The following AFF4 variants were observed in gnomAD, a reference collection of about 807,000 sequenced individuals.
The protein encoded by AFF4 is ALF transcription elongation factor 4, also known as AF4/FMR2 family member 4.
AFF4 carries 13 observed loss-of-function variants against 124.8 expected under a neutral mutation model. That is an observed-to-expected ratio of 0.10 (90% CI 0.07 to 0.17). The LOEUF (loss-of-function observed/expected upper bound fraction) is 0.17. Among genes scored for constraint, AFF4 ranks in the 10% least tolerant of loss-of-function variants. AFF4 has a pLI of 1.00. For missense variants in AFF4, 1,092 were observed against 1,403.8 expected, an observed-to-expected ratio of 0.78 and a Z score of 3.55; for synonymous variants, 477 against 496.1, an observed-to-expected ratio of 0.96 and a Z score of 0.51.
At chr5:132,953,829 C>T (rs765282370) in intron 1 of AFF4, among the ~76,000 whole-genome samples, 3 of 152,154 alleles carry the variant, frequency 2.0e-5, no homozygotes, top group Non-Finnish European at 4.4e-5. Flanking sequence ...AACGCTACAG[C>T]CTTTCTAATT....
intron 2 of AFF4, among the ~76,000 whole-genome samples, chr5:132,936,336 G>A (rs1178769662): frequency 1.3e-5 from 2 of 148,932 alleles, no homozygotes; most frequent in African/African-American, 4.9e-5. Context: ...TTCGTATTTT[G>A]GCAGTTTATG....
intron 1 of AFF4, among the ~76,000 whole-genome samples, chr5:132,942,028 G>C (rs1277770941): frequency 6.6e-6 from 1 of 150,854 alleles, no homozygotes; most frequent in African/African-American, 2.4e-5. Flanking sequence ...AAAAAAGTAA[G>C]CAATCAATTC....
Position 132,920,686 on chromosome 5 carries a change from A to T in AFF4, c.1050+6435T>A, listed in dbSNP as rs559661366. 2.0e-3 allele frequency among the ~76,000 whole-genome samples: 304 copies of T among 152,242 alleles called. 1 individual carries two copies. Among genetic ancestry groups the T allele is most frequent in the African/African-American group, 7.0e-3 (291 of 41,538 alleles). On this transcript the variant is annotated intron_variant, in intron 5 of 20. Transcript: ENST00000265343. Reference sequence around the variant, plus strand: ...AGATTTCATAGACACCAAAATCATGACCCGTAAAAGAAAACACTGAAGAAG... The same window carrying T: ...AGATTTCATAGACACCAAAATCATGTCCCGTAAAAGAAAACACTGAAGAAG...
In AFF4 at chr5:132,927,173, G is replaced by A; in HGVS notation, c.998C>T (p.Ala333Val). Residue 333 changes from alanine to valine, a missense_variant, in exon 5 of 21, where the codon GCT becomes GTT. Ala to Val is a moderately conservative substitution (Grantham distance 64). Transcript: ENST00000265343. ...MTHSWPPPLT[A>V]IHTPCKTEPS... ...TTCTGTTTTGCATGGTGTATGAATA[G>A]CCGTTAGAGGGGGAGGCCATGAATG... The A allele has an allele frequency of 1.2e-6, 2 of 1,611,366 alleles. No individual in the cohort carries two copies.
At chr5:132,915,037 T>TAA (rs915281872) in intron 5 of AFF4, among the ~76,000 whole-genome samples, 1 of 150,794 alleles carries the variant, frequency 6.6e-6, no homozygotes. Context: ...AACAAACACT[T>TAA]AAAAAAAAAT....
At chr5:132,959,901 A>C (rs1762045317) in intron 1 of AFF4, among the ~76,000 whole-genome samples, 1 of 150,908 alleles carries the variant, frequency 6.6e-6, no homozygotes, top group South Asian at 2.1e-4. Flanking sequence ...AGTAGCTGGG[A>C]CTACAGGCGC....
rs1202067942 is a variant in AFF4 at position 132,879,616 on chromosome 5, C to A, written c.*1443G>T. ...TTCATTTGTAAACAATCCATAGAGT[C>A]TTCATTTAAAGGTAAGATTTAAGGC... is the stretch of plus-strand genomic sequence containing the variant. On this transcript the variant is annotated 3_prime_UTR_variant, in exon 21 of 21. Transcript: ENST00000265343. 1 of 208,402 alleles carries A rather than the reference C, an allele frequency of 4.8e-6. No individual in the cohort carries two copies. Among genetic ancestry groups the A allele is most frequent in the Non-Finnish European group, 9.8e-6 (1 of 102,206 alleles). The allele number at this position is 208,402 out of a possible 1,614,324, so 12.9% of individuals were successfully genotyped here. A position where few individuals can be genotyped will look rare whatever the true frequency, so the allele number is the denominator to read the frequency against.
Position 132,932,067 on chromosome 5 carries a change from A to G in AFF4, c.963+111T>C, listed in dbSNP as rs1289558586. On this transcript the variant is annotated intron_variant, in intron 4 of 20. Transcript: ENST00000265343. ...ATGGACATAATCAAGTTACAAATATAAGCAATCTGTTGCTTCAGATCCTTT... is the reference window on the plus strand; with the variant it reads ...ATGGACATAATCAAGTTACAAATATGAGCAATCTGTTGCTTCAGATCCTTT... The G allele has an allele frequency of 4.8e-6, 3 of 629,394 alleles. No individual in the cohort carries two copies. The African/African-American group carries it at 5.7e-5, about 12-fold the overall frequency. The allele number at this position is 629,394 out of a possible 1,614,324, so 39.0% of individuals were successfully genotyped here.
Position 132,963,378 on chromosome 5 carries a change from A to C in AFF4, c.-124T>G. 1 of 397,688 alleles carries C rather than the reference A, an allele frequency of 2.5e-6. No homozygotes were observed. Among genetic ancestry groups the C allele is most frequent in the Non-Finnish European group, 4.4e-6 (1 of 225,362 alleles). 24.6% of individuals were successfully genotyped at this position (397,688 alleles called of 1,614,324 possible). ...CCCAGGGGGCGGTGACAGGCTGCCA[A>C]GGGCGAGGGGCTCCGGGAGGCGGCG... On this transcript the variant is annotated 5_prime_UTR_variant, in exon 1 of 21. Transcript: ENST00000265343.
rs753189803 is a variant in AFF4, at chr5:132,896,554, C to G, written c.2076G>C (p.Met692Ile). 2 of 1,613,988 alleles carry G rather than the reference C, an allele frequency of 1.2e-6. No homozygotes were observed. Among genetic ancestry groups the G allele is most frequent in the Admixed American group, 1.7e-5 (1 of 60,002 alleles). Residue 692 changes from methionine to isoleucine, a missense_variant, in exon 11 of 21, where the codon ATG becomes ATC. Physicochemically the swap from Met to Ile is conservative, Grantham distance 10. Coordinates refer to ENST00000265343, the MANE Select transcript of AFF4 (RefSeq NM_014423.4). The stretch of plus-strand genomic sequence containing the variant: ...GTTCCTTCTCTTCCATAGGAGAGAA[C>G]ATTCGTTGCCGAAAAAAGCTATCTT... ...EEEDSFFRQR[M>I]FSPMEEKELL...
chr5:132,939,653 C>T (rs1436295145), intron 1 of AFF4, among the ~76,000 whole-genome samples: 1 of 152,238 alleles, frequency 6.6e-6, no homozygotes, highest in Non-Finnish European at 1.5e-5. Context: ...TCTTGTCCCC[C>T]AGGTTGAAGT....
intron 1 of AFF4, chr5:132,943,274 G>C (rs1178924748): frequency 5.3e-6 from 1 of 187,738 alleles, no homozygotes; most frequent in African/African-American, 2.4e-5. Flanking sequence ...AAATGGTTAA[G>C]GAAGTCAGCC....
intron 1 of AFF4, among the ~76,000 whole-genome samples, chr5:132,947,846 A>G (rs918366772): frequency 4.6e-5 from 7 of 152,214 alleles, no homozygotes; most frequent in Non-Finnish European, 1.0e-4. Flanking sequence ...GTCCCAAGAC[A>G]ATATTTAGCA....
In AFF4 at chr5:132,883,690, G is replaced by A; in HGVS notation, c.3144-130C>T. 6.6e-6 allele frequency: 5 copies of A among 753,966 alleles called. No homozygotes were observed. In the East Asian group the frequency reaches 1.4e-4, roughly 20 times the overall value. 46.7% of individuals were successfully genotyped at this position (753,966 alleles called of 1,614,324 possible). A position where few individuals can be genotyped will look rare whatever the true frequency, so the allele number is the denominator to read the frequency against. Reference sequence around the variant, plus strand: ...CTCTTAAACTAGATGGGTTTTCAGAGAGCTACAATTTCTTCTAAATAAGTA... The same window carrying A: ...CTCTTAAACTAGATGGGTTTTCAGAAAGCTACAATTTCTTCTAAATAAGTA... On this transcript the variant is annotated intron_variant, in intron 19 of 20. Transcript: ENST00000265343.
In AFF4 at chr5:132,886,310, C is replaced by A; in HGVS notation, c.3099G>T (p.Lys1033Asn). The A allele has an allele frequency of 6.2e-7, 1 of 1,613,202 alleles. No homozygotes were observed. Among genetic ancestry groups the A allele is most frequent in the Non-Finnish European group, 8.5e-7 (1 of 1,179,566 alleles). The change falls in exon 18 of 21, where the codon AAG becomes AAT. Residue 1033 changes from lysine to asparagine, a missense_variant and splice_region_variant. Lys to Asn is a moderately conservative substitution (Grantham distance 94, BLOSUM62 0). Around this residue, in one of 11 missense-constraint regions of AFF4, gnomAD observed 173 missense variants for 294.9 expected, o/e 0.59. Coordinates refer to ENST00000265343, the MANE Select transcript of AFF4 (RefSeq NM_014423.4). ...GGACCTTGTGCTTTTGCATACTTAC[C>A]TTCAGGTGCTCTGTCAGTGTCTTTG... is the stretch of plus-strand genomic sequence containing the variant. ...KYSKTLTEHL[K>N]NSYNNSQAPS...
intron 12 of AFF4, among the ~76,000 whole-genome samples, 166 bp from the exon 13 acceptor site, chr5:132,892,570 T>TA (rs1760290972): frequency 6.6e-6 from 1 of 152,190 alleles, no homozygotes; most frequent in Non-Finnish European, 1.5e-5. Flanking sequence ...TCCATGAAGG[T>TA]AGGCATCTTC....
intron 18 of AFF4, among the ~76,000 whole-genome samples, 186 bp from the exon 19 acceptor site, chr5:132,885,305 G>A (rs1760087071): frequency 6.6e-6 from 1 of 151,816 alleles, no homozygotes; most frequent in Admixed American, 6.6e-5. Flanking sequence ...AAATTATTAG[G>A]TGAGAGCTGG....
chr5:132,926,435 G>C (rs1358373429), intron 5 of AFF4, among the ~76,000 whole-genome samples: 2 of 152,030 alleles, frequency 1.3e-5, no homozygotes, highest in African/African-American at 2.4e-5. Flanking sequence ...GGACAAGTAT[G>C]GTTGCTATGT....
chr5:132,926,359 A>T (rs564952006), intron 5 of AFF4: 33 of 252,812 alleles, frequency 1.3e-4, no homozygotes, highest in Non-Finnish European at 2.3e-4. Flanking sequence ...GTATAAGTTT[A>T]AAAAAAAGTC....
Sources: gnomAD v4.1 joint callset for allele counts (sites outside exome capture counted in the v4.1 genomes callset) on GRCh38, gnomAD v4.1.1 for gene constraint, gnomAD v4.1.1 regional missense constraint, MANE v1.5 for transcripts, NCBI Gene and HGNC (gene_info 2026-07-23, HGNC 2026-07-21) for gene names.